Variants in CMSS1 observed in about 807,000 individuals in gnomAD.
The protein encoded by CMSS1 is protein CMSS1.
CMSS1 carries 33 observed loss-of-function variants against 43.5 expected under a neutral mutation model. The observed-to-expected ratio is 0.76, with a 90% CI of 0.57 to 1.01. The LOEUF (loss-of-function observed/expected upper bound fraction) is 1.01. CMSS1 is among the 50% of genes least tolerant of loss of function. CMSS1 has a pLI of 0.00. For synonymous variants in CMSS1, 115 were observed against 117.2 expected (o/e 0.98, Z 0.12); for missense variants, 313 against 326.4 (o/e 0.96, Z 0.32).
chr3:99,942,476 G>A (rs1707878327), intron 1 of CMSS1, among the ~76,000 whole-genome samples: 1 of 152,164 alleles, frequency 6.6e-6, no homozygotes, highest in Non-Finnish European at 1.5e-5. Flanking sequence ...ATTTGGAAAT[G>A]TTCATAATAA....
intron 1 of CMSS1, among the ~76,000 whole-genome samples, chr3:100,100,166 A>G (rs1486611053): frequency 6.6e-6 from 1 of 152,060 alleles, no homozygotes; most frequent in East Asian, 1.9e-4. Context: ...CAATGCTGCC[A>G]CTCAGATTTT....
chr3:99,823,985 C>T (rs1279786393), intron 1 of CMSS1, among the ~76,000 whole-genome samples: 2 of 150,044 alleles, frequency 1.3e-5, no homozygotes, highest in East Asian at 2.0e-4. Context: ...TGCAGTGGTG[C>T]GATCTCAGCT....
At chr3:100,113,481 T>A (rs1185424405) in intron 1 of CMSS1, among the ~76,000 whole-genome samples, 2 of 152,218 alleles carry the variant, frequency 1.3e-5, no homozygotes, top group African/African-American at 4.8e-5. Context: ...TCTCTGGCTC[T>A]CATTCATTAA....
intron 1 of CMSS1, among the ~76,000 whole-genome samples, chr3:100,024,268 A>G (rs748493403): frequency 7.9e-5 from 12 of 151,888 alleles, no homozygotes; most frequent in Non-Finnish European, 1.2e-4. Flanking sequence ...CTTTTCTTTG[A>G]TTATAGGTTT....
At chr3:100,023,146 T>C (rs902332119) in intron 1 of CMSS1, among the ~76,000 whole-genome samples, 1 of 152,210 alleles carries the variant, frequency 6.6e-6, no homozygotes, top group Non-Finnish European at 1.5e-5. Context: ...GAGTATGTGC[T>C]ACCTTCTGGC....
chr3:99,828,463 T>C (rs1190291232), intron 1 of CMSS1, among the ~76,000 whole-genome samples: 1 of 151,520 alleles, frequency 6.6e-6, no homozygotes, highest in Non-Finnish European at 1.5e-5. Flanking sequence ...TTTTTTTTTT[T>C]TCCCCACAAA....
At chr3:100,101,423 G>A (rs897223703) in intron 1 of CMSS1, among the ~76,000 whole-genome samples, 1 of 152,128 alleles carries the variant, frequency 6.6e-6, no homozygotes, top group African/African-American at 2.4e-5. Flanking sequence ...GTGGCCTCAG[G>A]TAAAGTAGAT....
In CMSS1 at chr3:100,074,746, T is replaced by TACAATGGC. The variant is rs1421042542; in HGVS notation, c.65-72224_65-72217dup. 4.6e-5 allele frequency among the ~76,000 whole-genome samples: 6 copies of TACAATGGC among 130,858 alleles called. No individual in the cohort carries two copies. The East Asian group carries it at 1.5e-3, about 33-fold the overall frequency. 85.8% of individuals were successfully genotyped at this position (130,858 alleles called of 152,430 possible). Reference sequence around the variant, plus strand: ...TCTCACTCTGTTGTCCAGGCTAGAGTACAATGGCACGATCTTGGCTCACTG... The same window carrying TACAATGGC: ...TCTCACTCTGTTGTCCAGGCTAGAGTACAATGGCACAATGGCACGATCTTGGCTCACTG... On this transcript the variant is annotated intron_variant, in intron 1 of 9. Transcript: ENST00000421999.
chr3:99,930,038 A>C, intron 1 of CMSS1: 1 of 1,590,930 alleles, frequency 6.3e-7, no homozygotes, highest in Non-Finnish European at 8.5e-7. Context: ...GCCTGTAGGA[A>C]CAAAAAGTAT....
At chr3:100,130,017 G>A (rs1268635450) in intron 1 of CMSS1, among the ~76,000 whole-genome samples, 1 of 152,026 alleles carries the variant, frequency 6.6e-6, no homozygotes, top group Non-Finnish European at 1.5e-5. Context: ...TCACCCACCA[G>A]GATATTATCT....
At chr3:99,932,763 C>T (rs1310184683) in intron 1 of CMSS1, among the ~76,000 whole-genome samples, 1 of 152,128 alleles carries the variant, frequency 6.6e-6, no homozygotes, top group Non-Finnish European at 1.5e-5. Context: ...TGGTGGCACA[C>T]ACCTGTAATC....
At chr3:100,112,122 T>C (rs1576077393) in intron 1 of CMSS1, among the ~76,000 whole-genome samples, 1 of 152,198 alleles carries the variant, frequency 6.6e-6, no homozygotes, top group East Asian at 1.9e-4. Context: ...GTTCCCCTAA[T>C]ATAACTAAAC....
At chr3:99,860,759 CA>C (rs1944210739) in intron 1 of CMSS1, among the ~76,000 whole-genome samples, 1 of 152,150 alleles carries the variant, frequency 6.6e-6, no homozygotes, top group Admixed American at 6.5e-5. Context: ...ACAAGTACAG[CA>C]CATGTAAATT....
At position 99,823,336 on chromosome 3, in the gene CMSS1, G is replaced by C. The variant is rs533432210; in HGVS notation, c.64+5293G>C. Among the ~76,000 whole-genome samples the C allele has an allele frequency of 2.6e-5, 4 of 152,208 alleles. No individual in the cohort carries two copies. In the South Asian group the frequency reaches 8.3e-4, roughly 32 times the overall value. On this transcript the variant is annotated intron_variant, in intron 1 of 9. Coordinates refer to ENST00000421999, the MANE Select transcript of CMSS1 (RefSeq NM_032359.4). ...AAATCTTTACTTAGTTATTTAATAG[G>C]GATGTCAAATGTAAACAAGACCCAG... is the stretch of plus-strand genomic sequence containing the variant.
rs184812807 is a variant in CMSS1, at chr3:100,070,894, G to A, written c.65-76079G>A. ...GATCTGCCTGCCTTGACCTCCCAAA[G>A]TGCTAGGATTATAGGCATGAGTCAC... On this transcript the variant is annotated intron_variant, in intron 1 of 9. Transcript: ENST00000421999. Among the ~76,000 whole-genome samples, 541 of 152,302 alleles carry A rather than the reference G, an allele frequency of 3.6e-3. 7 individuals are homozygous for A. Among genetic ancestry groups the A allele is most frequent in the African/African-American group, 0.013 (522 of 41,564 alleles).
chr3:100,004,590 A>G (rs190065240), intron 1 of CMSS1, among the ~76,000 whole-genome samples: 1 of 152,208 alleles, frequency 6.6e-6, no homozygotes, highest in Non-Finnish European at 1.5e-5. Context: ...GATACAAGGA[A>G]TTAAGAAACA....
chr3:100,075,730 AT>A, intron 1 of CMSS1: 1 of 152,294 alleles, frequency 6.6e-6, no homozygotes, highest in South Asian at 2.1e-4. Flanking sequence ...CAATTTATAG[AT>A]TTGGGGAGAA....
At chr3:100,138,266 C>G (rs2066772396) in intron 1 of CMSS1, among the ~76,000 whole-genome samples, 1 of 152,176 alleles carries the variant, frequency 6.6e-6, no homozygotes, top group Non-Finnish European at 1.5e-5. Context: ...CAGTACCATT[C>G]AGGACATAGG....
intron 1 of CMSS1, among the ~76,000 whole-genome samples, chr3:99,829,382 A>G (rs1942601946): frequency 6.6e-6 from 1 of 152,186 alleles, no homozygotes; most frequent in Non-Finnish European, 1.5e-5. Flanking sequence ...TTTCAGTGTG[A>G]TGTAAAGAAT....
Sources: allele counts gnomAD v4.1 joint callset (sites outside exome capture counted in the v4.1 genomes callset), GRCh38; gene constraint gnomAD v4.1.1; transcripts MANE v1.5; gene names NCBI Gene and HGNC (gene_info 2026-07-23, HGNC 2026-07-21).